The following PALLD variants were observed in gnomAD, a reference collection of about 807,000 sequenced individuals.
The protein encoded by PALLD is palladin, cytoskeletal associated protein.
Under a neutral mutation model 123.5 loss-of-function variants are expected in PALLD, and 61 were observed. The ratio of observed to expected loss-of-function variants is 0.49; its 90% CI spans 0.40 to 0.61. PALLD has a LOEUF of 0.61. Among genes scored for constraint, PALLD ranks in the 20% least tolerant of loss-of-function variants. PALLD has a pLI of 0.00. For synonymous variants in PALLD, 465 were observed against 496.4 expected (o/e 0.94, Z 0.84); for missense variants, 1,273 against 1,377.0 (o/e 0.92, Z 1.20).
chr4:168,756,191 T>A (rs1731854748), intron 10 of PALLD: 1 of 176,474 alleles, frequency 5.7e-6, no homozygotes, highest in Non-Finnish European at 1.2e-5. Context: ...AGGGTTCGGG[T>A]GAGCCCAGGT....
chr4:168,794,537 CA>C (rs1581508062), intron 10 of PALLD, among the ~76,000 whole-genome samples: 1 of 151,420 alleles, frequency 6.6e-6, no homozygotes, highest in African/African-American at 2.4e-5. Flanking sequence ...CACACACACA[CA>C]CCCCTCTGGC....
At chr4:168,916,486 T>TCTTTG (rs1760119978) in intron 17 of PALLD, among the ~76,000 whole-genome samples, 2 of 141,528 alleles carry the variant, frequency 1.4e-5, no homozygotes, top group Non-Finnish European at 3.2e-5. Flanking sequence ...TTACTATGAT[T>TCTTTG]CTTTAAATCT....
At chr4:168,739,603 G>A (rs759628810) in intron 10 of PALLD, among the ~76,000 whole-genome samples, 3 of 152,176 alleles carry the variant, frequency 2.0e-5, no homozygotes, top group Non-Finnish European at 4.4e-5. Context: ...AAATACTTGA[G>A]CTGATGAATA....
In PALLD at chr4:168,728,836, G is replaced by A. The variant is rs534891294; in HGVS notation, c.1964+16913G>A. Among the ~76,000 whole-genome samples the A allele has an allele frequency of 5.6e-4, 85 of 152,190 alleles. No homozygotes were observed. In the Middle Eastern group the frequency reaches 0.01, roughly 18 times the overall value. On this transcript the variant is annotated intron_variant, in intron 10 of 21. Transcript: ENST00000505667. ...CAGTATACACTACACCATATTTGTA[G>A]TATTTTATCCCTCGCCCTCCTCCCA...
chr4:168,580,429 C>T (rs947056721), intron 2 of PALLD, among the ~76,000 whole-genome samples: 7 of 151,828 alleles, frequency 4.6e-5, no homozygotes, highest in African/African-American at 7.3e-5. Context: ...AGTGAGATAC[C>T]GTCTCACACC....
At chr4:168,557,658 A>C (rs1253289604) in intron 2 of PALLD, among the ~76,000 whole-genome samples, 1 of 152,192 alleles carries the variant, frequency 6.6e-6, no homozygotes, top group Non-Finnish European at 1.5e-5. Flanking sequence ...AAACACATAG[A>C]CACTATCCAC....
At chr4:168,749,653 G>A (rs1278917104) in intron 10 of PALLD, among the ~76,000 whole-genome samples, 1 of 152,102 alleles carries the variant, frequency 6.6e-6, no homozygotes, top group Non-Finnish European at 1.5e-5. Context: ...GCAGTGAGCC[G>A]AGATCATGCC....
At chr4:168,829,630 A>G (rs1236869933) in intron 10 of PALLD, among the ~76,000 whole-genome samples, 1 of 152,064 alleles carries the variant, frequency 6.6e-6, no homozygotes, top group Admixed American at 6.5e-5. Context: ...ATCTGGTGGC[A>G]CTCTTTAGTC....
intron 2 of PALLD, among the ~76,000 whole-genome samples, chr4:168,628,915 A>G (rs1775554003): frequency 6.6e-6 from 1 of 152,194 alleles, no homozygotes; most frequent in South Asian, 2.1e-4. Context: ...TTTGTTTCCA[A>G]ACAAATGAAT....
At chr4:168,810,133 G>A (rs1235277597) in intron 10 of PALLD, among the ~76,000 whole-genome samples, 3 of 151,980 alleles carry the variant, frequency 2.0e-5, no homozygotes, top group Non-Finnish European at 4.4e-5. Flanking sequence ...AATTTGAGAG[G>A]AAGAAGCAAG....
intron 3 of PALLD, among the ~76,000 whole-genome samples, chr4:168,669,007 ATCAATACCAATAAT>A (rs1321149327): frequency 6.6e-6 from 1 of 152,228 alleles, no homozygotes; most frequent in African/African-American, 2.4e-5. Flanking sequence ...TTGTGTTTTG[ATCAATACCAATAAT>A]TTAGAATAGT....
At chr4:168,795,988 A>G (rs998152249) in intron 10 of PALLD, among the ~76,000 whole-genome samples, 1 of 152,178 alleles carries the variant, frequency 6.6e-6, no homozygotes, top group Non-Finnish European at 1.5e-5. Flanking sequence ...AATAATCACA[A>G]TGTGAAATCA....
intron 2 of PALLD, among the ~76,000 whole-genome samples, chr4:168,622,566 T>C (rs892613152): frequency 6.6e-6 from 1 of 152,252 alleles, no homozygotes; most frequent in Non-Finnish European, 1.5e-5. Flanking sequence ...AACGCGTATG[T>C]TTTCTTTAAC....
At chr4:168,867,971 G>A (rs373695954) in intron 10 of PALLD, among the ~76,000 whole-genome samples, 49 of 150,446 alleles carry the variant, frequency 3.3e-4, no homozygotes, top group African/African-American at 1.1e-3. Context: ...TGGATCCAGC[G>A]GCTAAAATAG....
chr4:168,653,762 T>C (rs1407556553), intron 2 of PALLD, among the ~76,000 whole-genome samples: 1 of 152,180 alleles, frequency 6.6e-6, no homozygotes, highest in African/African-American at 2.4e-5. Flanking sequence ...ACTCCCAGGC[T>C]GGAGTGCAGC....
intron 2 of PALLD, among the ~76,000 whole-genome samples, chr4:168,562,553 G>T (rs1187072012): frequency 6.6e-6 from 1 of 152,246 alleles, no homozygotes; most frequent in African/African-American, 2.4e-5. Context: ...AGGCTGGAAA[G>T]TAACCAGGAC....
intron 10 of PALLD, among the ~76,000 whole-genome samples, chr4:168,757,693 CATG>C (rs1324629391): frequency 6.6e-6 from 1 of 152,210 alleles, no homozygotes; most frequent in Non-Finnish European, 1.5e-5. Context: ...AGCTGGGCGG[CATG>C]ATGACTAAGT....
At chr4:168,553,792 T>A (rs906546956) in intron 2 of PALLD, among the ~76,000 whole-genome samples, 3 of 152,098 alleles carry the variant, frequency 2.0e-5, no homozygotes, top group African/African-American at 7.2e-5. Context: ...CCTACCTGAG[T>A]GCCTTGGAAT....
chr4:168,596,581 G>C (rs1216720017), intron 2 of PALLD, among the ~76,000 whole-genome samples: 2 of 151,980 alleles, frequency 1.3e-5, no homozygotes, highest in African/African-American at 4.8e-5. Flanking sequence ...ATAAACAGAG[G>C]CCCTTCCCAT....
Sources: allele counts gnomAD v4.1 joint callset (sites outside exome capture counted in the v4.1 genomes callset), GRCh38; gene constraint gnomAD v4.1.1; transcripts MANE v1.5; gene names NCBI Gene and HGNC (gene_info 2026-07-23, HGNC 2026-07-21).